Variants in GSE1 observed in about 807,000 individuals in gnomAD.
The protein encoded by GSE1 is genetic suppressor element 1.
A neutral mutation model predicts 112.6 loss-of-function variants in GSE1; 32 were observed. The observed-to-expected ratio is 0.28, with a 90% CI of 0.21 to 0.38. The LOEUF is 0.38. GSE1 is among the 10% of genes least tolerant of loss of function. The probability of loss-of-function intolerance (pLI) is 1.00; values close to 1 mark genes in which losing one functional copy is unlikely to be tolerated. For synonymous variants in GSE1, 1,115 were observed against 735.6 expected, an observed-to-expected ratio of 1.52 and a Z score of -8.35; for missense variants, 2,348 against 1,699.2, an observed-to-expected ratio of 1.38 and a Z score of -6.71.
chr16:85,399,858 T>C (rs1255085841), intron 2 of GSE1, among the ~76,000 whole-genome samples: 6 of 152,234 alleles, frequency 3.9e-5, no homozygotes, highest in Non-Finnish European at 8.8e-5. Context: ...GTTATCATGA[T>C]TAATATTACC....
At chr16:85,288,471 G>A (rs1362174153) in intron 1 of GSE1, among the ~76,000 whole-genome samples, 1 of 152,170 alleles carries the variant, frequency 6.6e-6, no homozygotes, top group Non-Finnish European at 1.5e-5. Context: ...CTTAGCCTGG[G>A]CTGACCCATG....
chr16:85,562,058 G>A (rs985343769), intron 1 of GSE1, among the ~76,000 whole-genome samples: 4 of 152,248 alleles, frequency 2.6e-5, no homozygotes, highest in African/African-American at 4.8e-5. Context: ...CTGTGGCGCC[G>A]GAGCCACCCA....
intron 1 of GSE1, among the ~76,000 whole-genome samples, chr16:85,619,851 C>T (rs1320210999): frequency 1.3e-5 from 2 of 152,148 alleles, no homozygotes; most frequent in African/African-American, 4.8e-5. Context: ...GGATCCATAT[C>T]CTCCCTGTAG....
At chr16:85,288,775 C>G (rs2045117884) in intron 1 of GSE1, among the ~76,000 whole-genome samples, 1 of 152,178 alleles carries the variant, frequency 6.6e-6, no homozygotes, top group Non-Finnish European at 1.5e-5. Context: ...GGGGGCATTT[C>G]AGCCCCAGCA....
intron 1 of GSE1, among the ~76,000 whole-genome samples, chr16:85,624,792 A>G (rs1316579674): frequency 6.6e-6 from 1 of 152,294 alleles, no homozygotes; most frequent in East Asian, 1.9e-4. Flanking sequence ...GAAGCAGCCC[A>G]TGGGGAGAAT....
chr16:85,275,773 G>A (rs1597259703), intron 1 of GSE1, among the ~76,000 whole-genome samples: 1 of 152,226 alleles, frequency 6.6e-6, no homozygotes, highest in Non-Finnish European at 1.5e-5. Flanking sequence ...GAACCGGGGC[G>A]CTGAGCCCCA....
chr16:85,513,996 C>G (rs905417295), intron 2 of GSE1, among the ~76,000 whole-genome samples: 6 of 152,164 alleles, frequency 3.9e-5, no homozygotes, highest in Non-Finnish European at 8.8e-5. Flanking sequence ...CCCCTCCACA[C>G]TGGAATCCCT....
At chr16:85,670,311 T>C (rs1307429183) in intron 14 of GSE1, among the ~76,000 whole-genome samples, 1 of 152,344 alleles carries the variant, frequency 6.6e-6, no homozygotes, top group East Asian at 1.9e-4. Flanking sequence ...GTGGGGCCCT[T>C]GTCTGTGAAA....
At position 85,671,118 on chromosome 16, in the gene GSE1, A is replaced by C. The variant is rs761430001; in HGVS notation, c.3519+20A>C. On this transcript the variant is annotated intron_variant, in intron 15 of 15. Coordinates refer to ENST00000253458, the MANE Select transcript of GSE1 (RefSeq NM_014615.5). Reference sequence around the variant, plus strand: ...GTGGCGGTGAGTTGGGAAGGGATGGAAACCTTCAAACACGCAACCTTTTGA... The same window carrying C: ...GTGGCGGTGAGTTGGGAAGGGATGGCAACCTTCAAACACGCAACCTTTTGA... The C allele has an allele frequency of 1.2e-5, 17 of 1,360,228 alleles. No homozygotes were observed. The African/African-American group carries it at 2.3e-4, about 18-fold the overall frequency. The allele number at this position is 1,360,228 out of a possible 1,614,324, so 84.3% of individuals were successfully genotyped here. A position where few individuals can be genotyped will look rare whatever the true frequency, so the allele number is the denominator to read the frequency against.
chr16:85,517,783 C>T (rs1454742977), intron 2 of GSE1, among the ~76,000 whole-genome samples: 2 of 152,258 alleles, frequency 1.3e-5, no homozygotes, highest in Non-Finnish European at 2.9e-5. Context: ...GCCCCGTGCA[C>T]GGAGCCAGTG....
intron 1 of GSE1, among the ~76,000 whole-genome samples, chr16:85,297,404 A>G (rs928043160): frequency 9.9e-5 from 15 of 152,220 alleles, no homozygotes; most frequent in Non-Finnish European, 1.8e-4. Context: ...TTAGACTTTG[A>G]TCTGAACCCA....
intron 2 of GSE1, among the ~76,000 whole-genome samples, chr16:85,634,727 G>A (rs149140426): frequency 1.3e-5 from 2 of 152,304 alleles, no homozygotes; most frequent in East Asian, 3.9e-4. Flanking sequence ...GTGAACCTGG[G>A]CACGTTGCTG....
At chr16:85,635,271 G>C (rs968040698) in intron 2 of GSE1, among the ~76,000 whole-genome samples, 3 of 152,158 alleles carry the variant, frequency 2.0e-5, no homozygotes, top group African/African-American at 7.2e-5. Context: ...AGGGAGGCCC[G>C]TTGGGGTCTG....
intron 1 of GSE1, among the ~76,000 whole-genome samples, chr16:85,561,129 C>CAA (rs763772429): frequency 3.0e-5 from 4 of 133,590 alleles, no homozygotes; most frequent in Non-Finnish European, 4.9e-5. Flanking sequence ...GACCTTGTCT[C>CAA]AAAAAAAAAA....
rs1371838402 is a variant in GSE1, at chr16:85,450,130, T to TTTC, written c.2464+92489_2464+92490insCTT. ...TTAGGCAGCTGACTTTTTTTTTTTT[T>TTTC]TTTTTTTTGAGACGGAATTTCGCTC... On this transcript the variant is annotated intron_variant, in intron 2 of 2. Coordinates refer to the GSE1 transcript ENST00000637419. 1.3e-3 allele frequency among the ~76,000 whole-genome samples: 192 copies of TTTC among 146,810 alleles called. 1 individual carries two copies. The highest frequency in any genetic ancestry group is 2.3e-3 in the Non-Finnish European group (153 of 66,660).
At chr16:85,599,680 A>G (rs931663496) in intron 1 of GSE1, among the ~76,000 whole-genome samples, 2 of 152,192 alleles carry the variant, frequency 1.3e-5, no homozygotes, top group Admixed American at 6.5e-5. Flanking sequence ...AGGAGATGGA[A>G]GAGACATTTA....
chr16:85,287,234 A>G (rs1225976347), intron 1 of GSE1, among the ~76,000 whole-genome samples: 1 of 152,210 alleles, frequency 6.6e-6, no homozygotes, highest in Non-Finnish European at 1.5e-5. Context: ...GACGTGCACC[A>G]CTTGGTGGGG....
intron 1 of GSE1, among the ~76,000 whole-genome samples, chr16:85,272,901 C>G (rs1363947795): frequency 6.6e-6 from 1 of 151,992 alleles, no homozygotes; most frequent in Non-Finnish European, 1.5e-5. Flanking sequence ...CACAGCCTCC[C>G]GAGTAGCTGG....
intron 1 of GSE1, among the ~76,000 whole-genome samples, chr16:85,562,513 G>A (rs551863712): frequency 6.6e-6 from 1 of 152,238 alleles, no homozygotes; most frequent in Non-Finnish European, 1.5e-5. Flanking sequence ...TACTCTGGGA[G>A]CAAATGGTCA....
Sources: gnomAD v4.1 joint callset for allele counts (sites outside exome capture counted in the v4.1 genomes callset) on GRCh38, gnomAD v4.1.1 for gene constraint, MANE v1.5 for transcripts, NCBI Gene and HGNC (gene_info 2026-07-23, HGNC 2026-07-21) for gene names.